The following GRIK4 variants were observed in gnomAD, a reference collection of about 807,000 sequenced individuals.
The protein encoded by GRIK4 is glutamate ionotropic receptor kainate type subunit 4.
GRIK4 carries 40 observed loss-of-function variants against 104.9 expected under a neutral mutation model. That is an observed-to-expected ratio of 0.38 (90% CI 0.30 to 0.50). GRIK4 has a LOEUF of 0.50. Among genes scored for constraint, GRIK4 ranks in the 20% least tolerant of loss-of-function variants. The probability of loss-of-function intolerance (pLI) is 0.93; values close to 1 mark genes in which losing one functional copy is unlikely to be tolerated. For missense variants in GRIK4, 1,047 were observed against 1,308.1 expected, an observed-to-expected ratio of 0.80 and a Z score of 3.08; for synonymous variants, 485 against 524.9, an observed-to-expected ratio of 0.92 and a Z score of 1.04.
At chr11:120,871,933 G>T (rs1565406208) in intron 9 of GRIK4, 1 of 456,224 alleles carries the variant, frequency 2.2e-6, no homozygotes, top group Non-Finnish European at 4.4e-6. Flanking sequence ...AGATTATCCA[G>T]AGCTGGCTCA....
chr11:120,605,818 A>G (rs1235689325), intron 1 of GRIK4, among the ~76,000 whole-genome samples: 1 of 152,240 alleles, frequency 6.6e-6, no homozygotes, highest in African/African-American at 2.4e-5. Context: ...GAAGCTGCTT[A>G]AATGGAATTC....
intron 18 of GRIK4, among the ~76,000 whole-genome samples, chr11:120,965,028 T>C (rs1184554204): frequency 6.6e-6 from 1 of 152,226 alleles, no homozygotes; most frequent in African/African-American, 2.4e-5. Flanking sequence ...CATTACACAG[T>C]TCATTGATGA....
chr11:120,554,597 C>T (rs546283606), intron 1 of GRIK4, among the ~76,000 whole-genome samples: 62 of 151,112 alleles, frequency 4.1e-4, no homozygotes, highest in Non-Finnish European at 7.2e-4. Context: ...CTCGCCCTGT[C>T]GCCCAGGCTG....
At chr11:120,609,221 G>T (rs1353157632) in intron 1 of GRIK4, among the ~76,000 whole-genome samples, 1 of 151,894 alleles carries the variant, frequency 6.6e-6, no homozygotes, top group African/African-American at 2.4e-5. Context: ...CGGGGATCTG[G>T]GTGCAGGCAG....
At chr11:120,771,026 T>C (rs2135456361) in intron 3 of GRIK4, among the ~76,000 whole-genome samples, 1 of 152,360 alleles carries the variant, frequency 6.6e-6, no homozygotes, top group East Asian at 1.9e-4. Flanking sequence ...GTGAGGGTGC[T>C]GCTCTAACAA....
At chr11:120,664,094 A>G (rs1014539056) in intron 3 of GRIK4, among the ~76,000 whole-genome samples, 1 of 152,246 alleles carries the variant, frequency 6.6e-6, no homozygotes, top group Non-Finnish European at 1.5e-5. Flanking sequence ...AATGTGATGG[A>G]TAGATGAATC....
intron 13 of GRIK4, among the ~76,000 whole-genome samples, chr11:120,932,235 G>C (rs1219691201): frequency 6.8e-6 from 1 of 147,542 alleles, no homozygotes; most frequent in Non-Finnish European, 1.5e-5. Context: ...GTCAGAGACT[G>C]TGCCTGTATT....
chr11:120,854,945 C>T (rs528755752), intron 8 of GRIK4, among the ~76,000 whole-genome samples: 44 of 152,212 alleles, frequency 2.9e-4, no homozygotes, highest in South Asian at 4.2e-4. Context: ...ATTTAAAATG[C>T]GGTGACTCCA....
chr11:120,603,782 C>T (rs1948918550), intron 1 of GRIK4, among the ~76,000 whole-genome samples: 1 of 151,978 alleles, frequency 6.6e-6, no homozygotes, highest in Admixed American at 6.6e-5. Flanking sequence ...TTTTTGTTGC[C>T]ACAAGTAGAG....
At chr11:120,682,096 G>A (rs968147275) in intron 3 of GRIK4, among the ~76,000 whole-genome samples, 5 of 152,324 alleles carry the variant, frequency 3.3e-5, no homozygotes, top group Admixed American at 6.5e-5. Flanking sequence ...GTGGAGGGAG[G>A]AAAGAAGAAA....
chr11:120,866,722 A>C (rs116583084), intron 9 of GRIK4, among the ~76,000 whole-genome samples: 5,169 of 152,156 alleles, frequency 0.034, 269 homozygotes, highest in African/African-American at 0.12. Flanking sequence ...GGGCCTCAGG[A>C]CTGCAGCTGG....
chr11:120,551,642 G>A (rs963528379), intron 1 of GRIK4, among the ~76,000 whole-genome samples: 3 of 152,104 alleles, frequency 2.0e-5, no homozygotes, highest in Non-Finnish European at 1.5e-5. Flanking sequence ...TTAGCTGGGC[G>A]TGGTGGTGGG....
At position 120,601,613 on chromosome 11, in the gene GRIK4, G is replaced by GT. The variant is rs1405247861; in HGVS notation, c.-158-52063dup. ...AAGCAGCTTGTCTCATAATTGACTG[G>GT]TTTTTTTTTGGTTCTGTTGTTGTTG... On this transcript the variant is annotated intron_variant, in intron 1 of 20. Coordinates refer to ENST00000527524, the MANE Select transcript of GRIK4 (RefSeq NM_014619.5). Among the ~76,000 whole-genome samples the GT allele has an allele frequency of 9.4e-4, 132 of 140,882 alleles. 1 individual carries two copies. Among genetic ancestry groups the GT allele is most frequent in the African/African-American group, 3.0e-3 (113 of 37,608 alleles). The allele number at this position is 140,882 out of a possible 152,430, so 92.4% of individuals were successfully genotyped here. A position where few individuals can be genotyped will look rare whatever the true frequency, so the allele number is the denominator to read the frequency against.
chr11:120,958,853 C>G (rs1944225941), intron 16 of GRIK4, among the ~76,000 whole-genome samples: 2 of 152,324 alleles, frequency 1.3e-5, no homozygotes, highest in South Asian at 4.1e-4. Flanking sequence ...CTGCAGAGTG[C>G]TGGCTTCCTC....
At chr11:120,553,429 G>A (rs1215633894) in intron 1 of GRIK4, among the ~76,000 whole-genome samples, 3 of 152,196 alleles carry the variant, frequency 2.0e-5, no homozygotes, top group Non-Finnish European at 2.9e-5. Flanking sequence ...TTGACCAAGG[G>A]GAGAACATTT....
chr11:120,920,493 C>G (rs1421529345), intron 13 of GRIK4, among the ~76,000 whole-genome samples: 1 of 152,154 alleles, frequency 6.6e-6, no homozygotes, highest in Non-Finnish European at 1.5e-5. Flanking sequence ...TCTTGCCATG[C>G]AGACCACAGC....
chr11:120,753,057 G>A (rs1410494983), intron 3 of GRIK4, among the ~76,000 whole-genome samples: 1 of 152,218 alleles, frequency 6.6e-6, no homozygotes, highest in Non-Finnish European at 1.5e-5. Flanking sequence ...GGGGACTCCC[G>A]AATGAGGCAT....
intron 1 of GRIK4, among the ~76,000 whole-genome samples, chr11:120,645,014 C>T (rs1009252347): frequency 6.6e-6 from 1 of 152,094 alleles, no homozygotes; most frequent in Non-Finnish European, 1.5e-5. Flanking sequence ...TATGTGTCTA[C>T]GTATATGTAC....
chr11:120,531,022 G>A (rs897964733), intron 1 of GRIK4, among the ~76,000 whole-genome samples: 3 of 152,210 alleles, frequency 2.0e-5, no homozygotes, highest in Admixed American at 2.0e-4. Flanking sequence ...TGGGGGTGAT[G>A]AGTCCTTCCT....
Sources: allele counts gnomAD v4.1 joint callset (sites outside exome capture counted in the v4.1 genomes callset), GRCh38; gene constraint gnomAD v4.1.1; transcripts MANE v1.5; gene names NCBI Gene and HGNC (gene_info 2026-07-23, HGNC 2026-07-21).